SLC44A5: variants seen among roughly 807,000 people sequenced by gnomAD.
SLC44A5 encodes solute carrier family 44 member 5.
A neutral mutation model predicts 101.8 loss-of-function variants in SLC44A5; 57 were observed. The observed-to-expected ratio is 0.56, with a 90% CI of 0.45 to 0.70. SLC44A5 has a LOEUF of 0.70. SLC44A5 is among the 30% of genes least tolerant of loss of function. The probability of loss-of-function intolerance (pLI) is 0.00; values close to 1 mark genes in which losing one functional copy is unlikely to be tolerated. For synonymous variants in SLC44A5, 281 were observed against 290.9 expected, an observed-to-expected ratio of 0.97 and a Z score of 0.35; for missense variants, 737 against 853.1, an observed-to-expected ratio of 0.86 and a Z score of 1.70.
chr1:75,603,451 C>T (rs926943833), intron 1 of SLC44A5, among the ~76,000 whole-genome samples: 1 of 151,244 alleles, frequency 6.6e-6, no homozygotes, highest in Non-Finnish European at 1.5e-5. Flanking sequence ...CATGCGGGTG[C>T]ATGTGTCTTT....
chr1:75,461,024 T>TG (rs909695183), intron 2 of SLC44A5, among the ~76,000 whole-genome samples: 6 of 150,104 alleles, frequency 4.0e-5, no homozygotes, highest in Non-Finnish European at 7.4e-5. Flanking sequence ...TTAATGATAG[T>TG]GAAAAAAAAA....
chr1:75,645,019 T>C, the SLC44A5 span, among the ~76,000 whole-genome samples: 2 of 152,148 alleles, frequency 1.3e-5, no homozygotes, highest in African/African-American at 2.4e-5. Context: ...CTTAATCCAG[T>C]GTATCATTGT....
the SLC44A5 span, among the ~76,000 whole-genome samples, chr1:75,616,991 C>T: frequency 6.6e-6 from 1 of 152,158 alleles, no homozygotes; most frequent in Non-Finnish European, 1.5e-5. Flanking sequence ...CCTGGAGGAG[C>T]TGTCCTCCCC....
intron 2 of SLC44A5, among the ~76,000 whole-genome samples, chr1:75,451,178 C>A (rs1665887792): frequency 6.6e-6 from 1 of 152,196 alleles, no homozygotes; most frequent in Non-Finnish European, 1.5e-5. Context: ...CTTGGTCTTG[C>A]CCATCATGGC....
At chr1:75,613,689 CAT>C (rs541418957), upstream of SLC44A5, among the ~76,000 whole-genome samples, 5 of 152,330 alleles carry the variant, frequency 3.3e-5, no homozygotes, top group South Asian at 8.3e-4. Flanking sequence ...ATTGAGACCA[CAT>C]GTCGTAAGAA....
chr1:75,367,267 T>G (rs954970525), intron 3 of SLC44A5, among the ~76,000 whole-genome samples: 3 of 152,182 alleles, frequency 2.0e-5, no homozygotes, highest in Non-Finnish European at 2.9e-5. Context: ...GGTCACATAG[T>G]TCTTGCTGGG....
chr1:75,473,736 AT>A (rs1469102057), intron 2 of SLC44A5, among the ~76,000 whole-genome samples: 1 of 152,030 alleles, frequency 6.6e-6, no homozygotes, highest in East Asian at 1.9e-4. Flanking sequence ...CTCTAGCCTT[AT>A]TTTTTATGTT....
intron 2 of SLC44A5, among the ~76,000 whole-genome samples, chr1:75,516,167 T>C (rs1168399542): frequency 6.6e-6 from 1 of 152,216 alleles, no homozygotes; most frequent in Non-Finnish European, 1.5e-5. Flanking sequence ...CCATTCTTTC[T>C]AGATTTAAGA....
At chr1:75,570,692 T>A (rs1046414016) in intron 1 of SLC44A5, among the ~76,000 whole-genome samples, 2 of 152,102 alleles carry the variant, frequency 1.3e-5, no homozygotes, top group African/African-American at 2.4e-5. Context: ...CAGAAAAAAA[T>A]TTGCTGACCC....
At chr1:75,345,239 T>C (rs748121785) in intron 3 of SLC44A5, among the ~76,000 whole-genome samples, 3 of 152,070 alleles carry the variant, frequency 2.0e-5, no homozygotes, top group Non-Finnish European at 4.4e-5. Flanking sequence ...TCAAGGCAAG[T>C]AGAAGCTGAC....
intron 4 of SLC44A5, among the ~76,000 whole-genome samples, chr1:75,323,343 G>T (rs912049835): frequency 6.6e-6 from 1 of 151,732 alleles, no homozygotes; most frequent in Non-Finnish European, 1.5e-5. Flanking sequence ...GTCTATCATT[G>T]TTGGACATTT....
In SLC44A5 at chr1:75,214,600, C is replaced by G. The variant is rs1319163352; in HGVS notation, c.1802+5G>C. 1 of 1,610,402 alleles carries G rather than the reference C, an allele frequency of 6.2e-7. No individual in the cohort carries two copies. The highest frequency in any genetic ancestry group is 8.5e-7 in the Non-Finnish European group (1 of 1,177,734). ...TAAATTACATTGTGCAGCCTGATTA[C>G]TTACTTCAAAACATTTCTCATCAGC... On this transcript the variant is annotated splice_donor_5th_base_variant and intron_variant, in intron 20 of 23. Coordinates refer to ENST00000370859, the MANE Select transcript of SLC44A5 (RefSeq NM_001130058.2).
chr1:75,394,603 G>C (rs1001114433), intron 3 of SLC44A5, among the ~76,000 whole-genome samples: 1 of 152,242 alleles, frequency 6.6e-6, no homozygotes, highest in Non-Finnish European at 1.5e-5. Flanking sequence ...GAAGTGAAAC[G>C]AGCCACTGGC....
the SLC44A5 span, among the ~76,000 whole-genome samples, chr1:75,678,466 G>T: frequency 6.6e-6 from 1 of 151,884 alleles, no homozygotes; most frequent in Non-Finnish European, 1.5e-5. Flanking sequence ...TGACACCCGA[G>T]CAGCCTAACT....
At chr1:75,611,576 G>A (rs137923057), upstream of SLC44A5, among the ~76,000 whole-genome samples, 1 of 152,082 alleles carries the variant, frequency 6.6e-6, no homozygotes, top group South Asian at 2.1e-4. Flanking sequence ...CATTTGTGAG[G>A]TCTGTAATCC....
At chr1:75,522,570 T>A (rs1670191508) in intron 2 of SLC44A5, among the ~76,000 whole-genome samples, 1 of 151,920 alleles carries the variant, frequency 6.6e-6, no homozygotes, top group Non-Finnish European at 1.5e-5. Flanking sequence ...GTGGATTAAC[T>A]CCAGCACAAG....
Position 75,357,305 on chromosome 1 carries a change from A to G in SLC44A5, c.53-17675T>C, listed in dbSNP as rs79130523. ...GGAGGCTCAGGCAGCCTGTGATACTATTCATTGATAGAGAGCCCTTAAAAT... is the reference window on the plus strand; with the variant it reads ...GGAGGCTCAGGCAGCCTGTGATACTGTTCATTGATAGAGAGCCCTTAAAAT... On this transcript the variant is annotated intron_variant, in intron 3 of 23. Transcript: ENST00000370859. 2,280 of 441,520 alleles carry G rather than the reference A, an allele frequency of 5.2e-3. 45 individuals are homozygous for G. Among genetic ancestry groups the G allele is most frequent in the African/African-American group, 0.043 (2,122 of 49,218 alleles). 27.4% of individuals were successfully genotyped at this position (441,520 alleles called of 1,614,324 possible).
At chr1:75,292,024 AG>A (rs67936897) in intron 5 of SLC44A5, among the ~76,000 whole-genome samples, 44,643 of 136,504 alleles carry the variant, frequency 0.33, 8,199 homozygotes, top group East Asian at 0.82. Flanking sequence ...AAAAAAAAAA[AG>A]AAAAGAAAAG....
chr1:75,635,965 C>G, the SLC44A5 span, among the ~76,000 whole-genome samples: 1 of 151,908 alleles, frequency 6.6e-6, no homozygotes, highest in Non-Finnish European at 1.5e-5. Context: ...TTGTTACATT[C>G]ATAGATCGTG....
Sources: allele counts gnomAD v4.1 joint callset (sites outside exome capture counted in the v4.1 genomes callset), GRCh38; gene constraint gnomAD v4.1.1; transcripts MANE v1.5; gene names NCBI Gene and HGNC (gene_info 2026-07-23, HGNC 2026-07-21).